Variants in TAS2R1 observed in about 807,000 individuals in gnomAD.
TAS2R1 encodes taste 2 receptor member 1.
For missense variants in TAS2R1, 370 were observed against 353.4 expected (o/e 1.05, Z -0.38); for synonymous variants, 141 against 134.2 (o/e 1.05, Z -0.35).
chr5:9,860,345 C>T, the TAS2R1 span, among the ~76,000 whole-genome samples: 1 of 152,204 alleles, frequency 6.6e-6, no homozygotes, highest in African/African-American at 2.4e-5. Context: ...ACCATGGAGG[C>T]ACACCACTGC....
chr5:9,697,961 T>A (rs1298620137), intron 1 of TAS2R1, among the ~76,000 whole-genome samples: 1 of 151,598 alleles, frequency 6.6e-6, no homozygotes, highest in Non-Finnish European at 1.5e-5. Context: ...GATTTTAAAA[T>A]CCAGGAAAAT....
At chr5:9,865,626 C>A in the TAS2R1 span, among the ~76,000 whole-genome samples, 2 of 152,140 alleles carry the variant, frequency 1.3e-5, no homozygotes, top group South Asian at 2.1e-4. Flanking sequence ...GAAAGTATTT[C>A]TTTTATTTCC....
chr5:9,696,959 G>C (rs1050000406), intron 1 of TAS2R1, among the ~76,000 whole-genome samples: 2 of 152,142 alleles, frequency 1.3e-5, no homozygotes, highest in African/African-American at 4.8e-5. Context: ...GTTGCTGTGA[G>C]GCTAGATCAC....
At chr5:9,803,109 G>T in the TAS2R1 span, among the ~76,000 whole-genome samples, 2 of 152,186 alleles carry the variant, frequency 1.3e-5, no homozygotes, top group African/African-American at 2.4e-5. Flanking sequence ...GTACTGGAAA[G>T]TCTAAGCAAT....
upstream of TAS2R1, among the ~76,000 whole-genome samples, chr5:9,633,606 A>G (rs1411715586): frequency 6.6e-6 from 1 of 151,860 alleles, no homozygotes; most frequent in Admixed American, 6.6e-5. Context: ...CCACACCAAC[A>G]TCTATTATTT....
At chr5:9,825,058 A>G in the TAS2R1 span, among the ~76,000 whole-genome samples, 2 of 152,306 alleles carry the variant, frequency 1.3e-5, no homozygotes, top group East Asian at 3.9e-4. Context: ...GGCTTTCACT[A>G]ATCTCCAGCC....
chr5:9,781,663 A>G, the TAS2R1 span, among the ~76,000 whole-genome samples: 1 of 152,256 alleles, frequency 6.6e-6, no homozygotes, highest in Admixed American at 6.5e-5. Flanking sequence ...TGTGTTCCCA[A>G]AAGACAACAG....
the TAS2R1 span, among the ~76,000 whole-genome samples, chr5:9,834,108 G>A: frequency 0.095 from 14,397 of 152,232 alleles, 799 homozygotes; most frequent in East Asian, 0.21. Context: ...CTACCTGGAA[G>A]AGCGTAAGGT....
At chr5:9,744,065 T>C in the TAS2R1 span, among the ~76,000 whole-genome samples, 1 of 152,222 alleles carries the variant, frequency 6.6e-6, no homozygotes, top group Admixed American at 6.5e-5. Flanking sequence ...CAGATCACTC[T>C]GCACCCAAGT....
the TAS2R1 span, among the ~76,000 whole-genome samples, chr5:9,896,468 G>A: frequency 1.1e-4 from 16 of 152,164 alleles, no homozygotes; most frequent in African/African-American, 2.4e-4. Context: ...TTCTCCAGAC[G>A]GGCTGAAGCT....
the TAS2R1 span, among the ~76,000 whole-genome samples, chr5:9,815,386 A>C: frequency 2.0e-5 from 3 of 152,214 alleles, no homozygotes; most frequent in Non-Finnish European, 4.4e-5. Context: ...TCTCTTCTTA[A>C]TGCACAAACA....
the TAS2R1 span, among the ~76,000 whole-genome samples, chr5:9,893,961 G>T: frequency 6.6e-6 from 1 of 152,142 alleles, no homozygotes; most frequent in Non-Finnish European, 1.5e-5. Flanking sequence ...AATATATGTT[G>T]ACCCTACGAA....
the TAS2R1 span, among the ~76,000 whole-genome samples, chr5:9,720,338 C>A: frequency 6.6e-6 from 1 of 152,232 alleles, no homozygotes; most frequent in Non-Finnish European, 1.5e-5. Flanking sequence ...GGTGGGCTCA[C>A]ATCTACTCAG....
chr5:9,713,442 G>A (rs1176974991), upstream of TAS2R1, among the ~76,000 whole-genome samples: 1 of 151,962 alleles, frequency 6.6e-6, no homozygotes, highest in African/African-American at 2.4e-5. Context: ...TTGCAAATGC[G>A]TCTTCTGCTG....
At chr5:9,812,826 C>T in the TAS2R1 span, among the ~76,000 whole-genome samples, 1 of 152,118 alleles carries the variant, frequency 6.6e-6, no homozygotes, top group Non-Finnish European at 1.5e-5. Flanking sequence ...AGAGACCATG[C>T]CTCCCAGTTT....
At chr5:9,851,672 T>C in the TAS2R1 span, among the ~76,000 whole-genome samples, 1 of 152,144 alleles carries the variant, frequency 6.6e-6, no homozygotes, top group Non-Finnish European at 1.5e-5. Flanking sequence ...GAACAGATCA[T>C]CGTCTGGCAA....
At chr5:9,834,575 C>G in the TAS2R1 span, among the ~76,000 whole-genome samples, 1 of 152,038 alleles carries the variant, frequency 6.6e-6, no homozygotes, top group Non-Finnish European at 1.5e-5. Flanking sequence ...TTTTAAAGAT[C>G]AAATAGAGCA....
At chr5:9,867,061 A>G in the TAS2R1 span, 1 of 152,206 alleles carries the variant, frequency 6.6e-6, no homozygotes, top group Non-Finnish European at 1.5e-5. Context: ...AATGACATTC[A>G]CCATTACAGG....
At chr5:9,873,958 AAGAG>A in the TAS2R1 span, among the ~76,000 whole-genome samples, 626 of 146,618 alleles carry the variant, frequency 4.3e-3, 5 homozygotes, top group African/African-American at 9.8e-3. Flanking sequence ...ACAGAAAGAA[AAGAG>A]AGAGAGAGAG....
Sources: gnomAD v4.1 joint callset for allele counts (sites outside exome capture counted in the v4.1 genomes callset) on GRCh38, gnomAD v4.1.1 for gene constraint, MANE v1.5 for transcripts, NCBI Gene and HGNC (gene_info 2026-07-23, HGNC 2026-07-21) for gene names.